The following SPEG variants were observed in gnomAD, a reference collection of about 807,000 sequenced individuals.
The protein encoded by SPEG is striated muscle preferentially expressed protein kinase.
SPEG carries 114 observed loss-of-function variants against 300.4 expected under a neutral mutation model. The observed-to-expected ratio is 0.38, with a 90% CI of 0.33 to 0.44. SPEG has a LOEUF of 0.44. Ranked by LOEUF, SPEG falls within the 20% of genes least tolerant of loss-of-function variation. The probability of loss-of-function intolerance (pLI) is 1.00; values close to 1 mark genes in which losing one functional copy is unlikely to be tolerated. For synonymous variants in SPEG, 1,964 were observed against 2,018.9 expected (o/e 0.97, Z 0.73); for missense variants, 4,201 against 4,586.2 (o/e 0.92, Z 2.43).
At chr2:219,463,321 C>T (rs1024588943) in intron 8 of SPEG, among the ~76,000 whole-genome samples, 4 of 148,806 alleles carry the variant, frequency 2.7e-5, no homozygotes, top group East Asian at 2.0e-4. Context: ...AGATGGATTA[C>T]TCAGCTTGCT....
chr2:219,437,435 C>G (rs1575027349), intron 1 of SPEG: 1 of 152,148 alleles, frequency 6.6e-6, no homozygotes, highest in East Asian at 1.9e-4. Context: ...AGACAGAGGC[C>G]AGGCTGACAG....
In SPEG at chr2:219,447,702, G is replaced by A. The variant is rs1312452253; in HGVS notation, c.816-272G>A. On this transcript the variant is annotated intron_variant, in intron 3 of 40. Coordinates refer to ENST00000312358, the MANE Select transcript of SPEG (RefSeq NM_005876.5). ...CCGCTGTTTCTCGGCTTCCAGGGCT[G>A]GGGGGAGGAGGCTGGCCCGAGTCCT... Among the ~76,000 whole-genome samples the A allele has an allele frequency of 3.3e-5, 5 of 151,970 alleles. No individual in the cohort carries two copies. The East Asian group carries it at 5.8e-4, about 18-fold the overall frequency.
At chr2:219,460,993 C>T (rs375785750) in intron 6 of SPEG, 55 of 779,162 alleles carry the variant, frequency 7.1e-5, no homozygotes, top group Middle Eastern at 6.3e-4. Flanking sequence ...TGCAGAGCCT[C>T]GGGGTGAGTT....
At position 219,488,770 on chromosome 2, in the gene SPEG, C is replaced by A. The variant is rs1389756135; in HGVS notation, c.8027-8C>A. On this transcript the variant is annotated splice_polypyrimidine_tract_variant and splice_region_variant and intron_variant, in intron 33 of 40. Transcript: ENST00000312358. ...GGGGCTCACTGGGACTCTTCTTTCT[C>A]TTGCCAGGAGTCCCAGGAAAGCTAG... 4 of 1,608,916 alleles carry A rather than the reference C, an allele frequency of 2.5e-6. No individual in the cohort carries two copies. In the Admixed American group the frequency reaches 6.8e-5, roughly 27 times the overall value.
chr2:219,480,707 C>T lies in SPEG; in HGVS notation c.5369+10C>T, dbSNP rs1692760183. 6.2e-7 allele frequency: 1 copy of T among 1,613,568 alleles called. No homozygotes were observed. Among genetic ancestry groups the T allele is most frequent in the African/African-American group, 1.3e-5 (1 of 74,878 alleles). ...TTGTTGCCTTCCTCTGGTAAGGACC[C>T]CTCTGCAATGTCCCAGCAGTCTCCT... On this transcript the variant is annotated intron_variant, in intron 26 of 40. Transcript: ENST00000312358. The surrounding 1 kb of genome is among the most constrained non-coding windows in gnomAD (Gnocchi z 5.3).
chr2:219,440,071 G>A (rs1223072462), intron 1 of SPEG, among the ~76,000 whole-genome samples: 1 of 152,206 alleles, frequency 6.6e-6, no homozygotes, highest in Non-Finnish European at 1.5e-5. Flanking sequence ...GAATGTACAA[G>A]ACATGACCTA....
chr2:219,462,129 G>A, intron 7 of SPEG, 72 bp downstream of exon 7: 2 of 1,309,224 alleles, frequency 1.5e-6, no homozygotes, highest in Non-Finnish European at 1.1e-6. Flanking sequence ...TGTTCTTGGG[G>A]CCATGCCTAG....
At position 219,461,389 on chromosome 2, in the gene SPEG, G is replaced by A. The variant is rs1034663862; in HGVS notation, c.2441-493G>A. 5.0e-6 allele frequency: 5 copies of A among 1,000,100 alleles called. No homozygotes were observed. In the African/African-American group the frequency reaches 8.7e-5, roughly 17 times the overall value. 62.0% of individuals were successfully genotyped at this position (1,000,100 alleles called of 1,614,324 possible). ...TGCCGCCTCATTGGCCCTGGACCGA[G>A]GTCGGGATGTGACTTGTCTGCGGTG... On this transcript the variant is annotated intron_variant, in intron 6 of 40. Transcript: ENST00000312358.
At position 219,445,931 on chromosome 2, in the gene SPEG, A is replaced by G. The variant is rs1367952254; in HGVS notation, c.815+770A>G. Among the ~76,000 whole-genome samples, 1 of 151,864 alleles carries G rather than the reference A, an allele frequency of 6.6e-6. No individual in the cohort carries two copies. Among genetic ancestry groups the G allele is most frequent in the East Asian group, 1.9e-4 (1 of 5,162 alleles). On this transcript the variant is annotated intron_variant, in intron 3 of 40. Transcript: ENST00000312358. The surrounding 1 kb of genome is among the most constrained non-coding windows in gnomAD (Gnocchi z 6.1). Reference sequence around the variant, plus strand: ...CGGAGGTGTTGGAGGCACTGGAGCCATTTTTGGAGATTTGGGGCTCGCAGA... The same window carrying G: ...CGGAGGTGTTGGAGGCACTGGAGCCGTTTTTGGAGATTTGGGGCTCGCAGA...
intron 13 of SPEG, among the ~76,000 whole-genome samples, chr2:219,470,395 C>T (rs1691767735): frequency 1.3e-5 from 2 of 152,200 alleles, no homozygotes; most frequent in African/African-American, 4.8e-5. Context: ...CGGCTCCAAC[C>T]CCTGCCCACA....
In SPEG at chr2:219,493,553, A is replaced by G. The variant is rs1694152961; in HGVS notation, c.*767A>G. 2 of 463,402 alleles carry G rather than the reference A, an allele frequency of 4.3e-6. No individual in the cohort carries two copies. Among genetic ancestry groups the G allele is most frequent in the African/African-American group, 4.0e-5 (2 of 50,312 alleles). 28.7% of individuals were successfully genotyped at this position (463,402 alleles called of 1,614,324 possible). A position where few individuals can be genotyped will look rare whatever the true frequency, so the allele number is the denominator to read the frequency against. Reference sequence around the variant, plus strand: ...CCCTTCCATCCGATCCCTACTGCCCATGTTGTCCTGACCATCCCTCCCAGC... The same window carrying G: ...CCCTTCCATCCGATCCCTACTGCCCGTGTTGTCCTGACCATCCCTCCCAGC... On this transcript the variant is annotated 3_prime_UTR_variant, in exon 41 of 41. Transcript: ENST00000312358.
Position 219,484,066 on chromosome 2 carries a change from T to G in SPEG, c.6603T>G (p.Asp2201Glu), listed in dbSNP as rs1186132691. The change falls in exon 30 of 41, where the codon GAT becomes GAG. Residue 2201 changes from aspartate (D) to glutamate (E), a missense_variant. By Grantham distance (45) the Asp-to-Glu change is conservative. Coordinates refer to ENST00000312358, the MANE Select transcript of SPEG (RefSeq NM_005876.5). ...SAEPSATTPS[D>E]APQPPAPQPA... ...AACCTTCTGCCACCACACCTAGTGA[T>G]GCTCCGCAGCCCCCCGCACCCCAGC... The G allele has an allele frequency of 6.2e-7, 1 of 1,613,578 alleles. No homozygotes were observed. Among genetic ancestry groups the G allele is most frequent in the South Asian group, 1.1e-5 (1 of 91,072 alleles).
chr2:219,483,334 T>G lies in SPEG; in HGVS notation c.5871T>G (p.Asp1957Glu), dbSNP rs1461524592. 1.8e-5 allele frequency: 29 copies of G among 1,606,098 alleles called. No individual in the cohort carries two copies. The highest frequency in any genetic ancestry group is 2.4e-5 in the Non-Finnish European group (28 of 1,176,666). Reference sequence around the variant, plus strand: ...CCCTCACAGACATTCCCACTGAGGATGAGGCCCTGGGGACCCCAGAGACTG... The same window carrying G: ...CCCTCACAGACATTCCCACTGAGGAGGAGGCCCTGGGGACCCCAGAGACTG... ...RVSLTDIPTE[D>E]EALGTPETGA... Residue 1957 changes from aspartate to glutamate, a missense_variant, in exon 30 of 41, where the codon GAT becomes GAG. Asp to Glu is a conservative substitution (Grantham distance 45, BLOSUM62 2). Around this residue, in one of 4 missense-constraint regions of SPEG, gnomAD observed 1,578 missense variants for 1,506.0 expected, o/e 1.05. Transcript: ENST00000312358.
At chr2:219,447,116 G>C (rs1201213569) in intron 3 of SPEG, among the ~76,000 whole-genome samples, 2 of 152,116 alleles carry the variant, frequency 1.3e-5, no homozygotes, top group East Asian at 3.9e-4. Flanking sequence ...ATACTCTGGG[G>C]TGACCGGCTC....
At position 219,492,780 on chromosome 2, in the gene SPEG, C is replaced by A; in HGVS notation, c.9798C>A (p.Gly3266=). 5 of 1,588,320 alleles carry A rather than the reference C, an allele frequency of 3.1e-6. No individual in the cohort carries two copies. The highest frequency in any genetic ancestry group is 4.3e-6 in the Non-Finnish European group (5 of 1,173,284). Residue 3266 remains glycine (G), a synonymous_variant, in exon 41 of 41, where the codon GGC becomes GGA. Coordinates refer to ENST00000312358, the MANE Select transcript of SPEG (RefSeq NM_005876.5). ...HKVLLRSYPG[G]P is the part of the protein sequence containing the mutation. Reference sequence around the variant, plus strand: ...TGCTGCTGCGCTCCTACCCTGGCGGCCCCTAGAGGCACGGACCACAGCCAG... The same window carrying A: ...TGCTGCTGCGCTCCTACCCTGGCGGACCCTAGAGGCACGGACCACAGCCAG...
rs1690422778 is a variant in SPEG, at chr2:219,459,046, G to A, written c.2441-2836G>A. ...TTGGGGTCGGTGGATGTGCTGGTCT[G>A]AGGAGAGGGAGTTCCCTGTGTGCTT... On this transcript the variant is annotated intron_variant, in intron 6 of 40. Transcript: ENST00000312358. The surrounding 1 kb of genome is among the most constrained non-coding windows in gnomAD (Gnocchi z 4.9). 6.6e-6 allele frequency among the ~76,000 whole-genome samples: 1 copy of A among 152,206 alleles called. No individual in the cohort carries two copies. Among genetic ancestry groups the A allele is most frequent in the Admixed American group, 6.5e-5 (1 of 15,278 alleles).
At position 219,444,708 on chromosome 2, in the gene SPEG, G is replaced by A. The variant is rs1575043695; in HGVS notation, c.444G>A (p.Glu148=). The change falls in exon 2 of 41, where the codon GAG becomes GAA. Residue 148 remains glutamate (E), a synonymous_variant. Transcript: ENST00000312358. The surrounding 1 kb of genome is among the most constrained non-coding windows in gnomAD (Gnocchi z 7.8). ...ISDVQGTQRL[E]LRDDGAFSTP... The stretch of plus-strand genomic sequence containing the variant: ...ATGTGCAGGGAACCCAGCGCCTGGA[G>A]CTTCGGGATGACGGGGCCTTCAGCA... 6.2e-7 allele frequency: 1 copy of A among 1,613,924 alleles called. No individual in the cohort carries two copies. The highest frequency in any genetic ancestry group is 1.3e-5 in the African/African-American group (1 of 74,910).
rs1173608649 is a variant in SPEG, at chr2:219,472,785, G to A, written c.3941-105G>A. The stretch of plus-strand genomic sequence containing the variant: ...GAAGCAACAGCAGAGACTGAGGCAC[G>A]TCATCAGAGCAGACTAATGATGAGT... On this transcript the variant is annotated intron_variant, in intron 15 of 40. Coordinates refer to ENST00000312358, the MANE Select transcript of SPEG (RefSeq NM_005876.5). The A allele has an allele frequency of 3.2e-5, 29 of 895,684 alleles. No homozygotes were observed. In the Admixed American group the frequency reaches 3.5e-4, roughly 11 times the overall value. 55.5% of individuals were successfully genotyped at this position (895,684 alleles called of 1,614,324 possible). A position where few individuals can be genotyped will look rare whatever the true frequency, so the allele number is the denominator to read the frequency against.
Position 219,489,586 on chromosome 2 carries a change from G to A in SPEG, c.8568G>A (p.Arg2856=). The A allele has an allele frequency of 6.2e-7, 1 of 1,613,620 alleles. No homozygotes were observed. Among genetic ancestry groups the A allele is most frequent in the Non-Finnish European group, 8.5e-7 (1 of 1,179,916 alleles). The change falls in exon 36 of 41, where the codon CGG becomes CGA. Residue 2856 remains arginine (R), a synonymous_variant. Coordinates refer to ENST00000312358, the MANE Select transcript of SPEG (RefSeq NM_005876.5). ...GACACAGGGGCCTGCAGGCTGCCCGGCCAGCGGAGCCCACCCTACCCAGTA... is the reference window on the plus strand; with the variant it reads ...GACACAGGGGCCTGCAGGCTGCCCGACCAGCGGAGCCCACCCTACCCAGTA... The part of the protein sequence containing the change: ...PRRHRGLQAA[R]PAEPTLPSTH...
Sources: gnomAD v4.1 joint callset for allele counts (sites outside exome capture counted in the v4.1 genomes callset) on GRCh38, gnomAD v4.1.1 for gene constraint, gnomAD v4.1.1 regional missense constraint, Gnocchi (gnomAD v3.1) non-coding constraint, MANE v1.5 for transcripts, NCBI Gene and HGNC (gene_info 2026-07-23, HGNC 2026-07-21) for gene names.